EXD3: variants seen among roughly 807,000 people sequenced by gnomAD.
The protein encoded by EXD3 is exonuclease mut-7 homolog.
In EXD3, 92 loss-of-function variants were observed where a neutral mutation model predicts 98.0. The ratio of observed to expected loss-of-function variants is 0.94; its 90% confidence interval spans 0.79 to 1.12. The LOEUF is 1.12. Ranked by LOEUF, EXD3 falls within the 50% of genes most tolerant of loss-of-function variation. The pLI is 0.00. For synonymous variants in EXD3, 569 were observed against 526.0 expected, an observed-to-expected ratio of 1.08 and a Z score of -1.12; for missense variants, 1,222 against 1,191.6, an observed-to-expected ratio of 1.03 and a Z score of -0.38.
chr9:137,376,207 G>A (rs1835890211), intron 3 of EXD3, among the ~76,000 whole-genome samples: 1 of 151,890 alleles, frequency 6.6e-6, no homozygotes, highest in Non-Finnish European at 1.5e-5. Context: ...AGCCGGGCAT[G>A]GTGGCGGGCG....
rs545067003 is a variant in EXD3 at position 137,407,719 on chromosome 9, G to C, written c.-47-12315C>G. Among the ~76,000 whole-genome samples, 1 of 152,336 alleles carries C rather than the reference G, an allele frequency of 6.6e-6. No homozygotes were observed. Among genetic ancestry groups the C allele is most frequent in the Non-Finnish European group, 1.5e-5 (1 of 68,026 alleles). ...CAGCGGCTCCTGGCCTGGTTCTGAA[G>C]ACGGCCCAGCTGGAGTGGGAGAAGT... On this transcript the variant is annotated intron_variant, in intron 1 of 21. Transcript: ENST00000340951. This position sits in a 1 kb window ranked among gnomAD's most constrained non-coding sequence, Gnocchi z 4.4.
chr9:137,353,969 C>G, intron 10 of EXD3: 3 of 1,081,148 alleles, frequency 2.8e-6, no homozygotes, highest in Non-Finnish European at 3.4e-6. Flanking sequence ...GCGCTGGCAC[C>G]GGGCTGGGGG....
chr9:137,330,012 A>AG lies in EXD3; in HGVS notation c.1999-5870_1999-5869insC, dbSNP rs1345010695. On this transcript the variant is annotated intron_variant, in intron 17 of 21. Coordinates refer to ENST00000340951, the MANE Select transcript of EXD3 (RefSeq NM_017820.5). Reference sequence around the variant, plus strand: ...CAGGACTACACAGGAGCTACACAGGACTACACAGGACTACACAGGACTACA... The same window carrying AG: ...CAGGACTACACAGGAGCTACACAGGAGCTACACAGGACTACACAGGACTACA... Among the ~76,000 whole-genome samples the AG allele has an allele frequency of 3.0e-4, 25 of 82,398 alleles. 3 individuals are homozygous for AG. The highest frequency in any genetic ancestry group is 1.0e-3 in the African/African-American group (20 of 19,472). The allele number at this position is 82,398 out of a possible 152,430, so 54.1% of individuals were successfully genotyped here. A position where few individuals can be genotyped will look rare whatever the true frequency, so the allele number is the denominator to read the frequency against.
At chr9:137,355,839 T>C (rs955314577) in intron 8 of EXD3, among the ~76,000 whole-genome samples, 1 of 152,106 alleles carries the variant, frequency 6.6e-6, no homozygotes, top group Non-Finnish European at 1.5e-5. Context: ...TCAGTGCATC[T>C]TCCCGGCCCT....
intron 1 of EXD3, among the ~76,000 whole-genome samples, chr9:137,414,581 C>T (rs561913540): frequency 1.3e-5 from 2 of 152,300 alleles, no homozygotes; most frequent in South Asian, 2.1e-4. Context: ...CGATAACACA[C>T]GAGGGTTCTG....
chr9:137,337,902 C>G (rs1160288212), intron 17 of EXD3, among the ~76,000 whole-genome samples: 2 of 151,992 alleles, frequency 1.3e-5, no homozygotes, highest in Non-Finnish European at 1.5e-5. Context: ...ATTCTCCTGC[C>G]TCAGCCTCCC....
At chr9:137,412,145 G>A (rs1181455426) in intron 1 of EXD3, among the ~76,000 whole-genome samples, 1 of 152,246 alleles carries the variant, frequency 6.6e-6, no homozygotes, top group East Asian at 1.9e-4. Flanking sequence ...AGGACAGGGG[G>A]CTGGAGGCCG....
chr9:137,315,025 C>T (rs1831567808), intron 19 of EXD3, among the ~76,000 whole-genome samples: 1 of 152,204 alleles, frequency 6.6e-6, no homozygotes, highest in Non-Finnish European at 1.5e-5. Context: ...GGACATGTGG[C>T]CGCCCGTGTC....
intron 1 of EXD3, among the ~76,000 whole-genome samples, chr9:137,408,861 T>C (rs2131818352): frequency 6.6e-6 from 1 of 152,342 alleles, no homozygotes; most frequent in East Asian, 1.9e-4. Flanking sequence ...TCTCTCACCA[T>C]CAGGCTGGGT....
intron 2 of EXD3, among the ~76,000 whole-genome samples, chr9:137,387,042 C>T (rs1260891959): frequency 6.6e-6 from 1 of 151,578 alleles, no homozygotes; most frequent in East Asian, 1.9e-4. Flanking sequence ...CCCTGCCTGC[C>T]TCCCTCAGCA....
intron 9 of EXD3, 106 bp downstream of exon 9, chr9:137,354,594 A>G: frequency 1.3e-6 from 2 of 1,559,570 alleles, no homozygotes; most frequent in East Asian, 2.4e-5. Context: ...AGCAGCTCCT[A>G]CTTGATATGT....
intron 5 of EXD3, among the ~76,000 whole-genome samples, chr9:137,372,261 G>A (rs1835659598): frequency 6.6e-6 from 1 of 152,234 alleles, no homozygotes; most frequent in Non-Finnish European, 1.5e-5. Context: ...CTGGGCGACT[G>A]TGCCGAGGTG....
intron 17 of EXD3, chr9:137,345,674 A>G (rs1428447113): frequency 2.6e-5 from 4 of 151,528 alleles, no homozygotes; most frequent in Non-Finnish European, 5.9e-5. Context: ...AAAAAAAAAA[A>G]AGGAAAGAAA....
Position 137,366,602 on chromosome 9 carries a change from C to T in EXD3, c.547G>A (p.Val183Met), listed in dbSNP as rs1288769405. Residue 183 changes from valine (V) to methionine (M), a missense_variant, in exon 7 of 22, where the codon GTG becomes ATG. Physicochemically the swap from Val to Met is conservative, Grantham distance 21. Coordinates refer to ENST00000340951, the MANE Select transcript of EXD3 (RefSeq NM_017820.5). ...MSIPLLLQDK[V>M]ALVERYVAGF... ...GCCACATAGCGCTCCACGAGGGCCA[C>T]CTTGTCCTGGAGGAGCAGTGGGATG... 2.6e-6 allele frequency: 4 copies of T among 1,557,282 alleles called. No homozygotes were observed. The Admixed American group carries it at 7.7e-5, about 30-fold the overall frequency.
rs1837066726 is a variant in EXD3, at chr9:137,393,814, C to T, written c.55+1489G>A. Among the ~76,000 whole-genome samples the T allele has an allele frequency of 6.6e-6, 1 of 152,136 alleles. No homozygotes were observed. The highest frequency in any genetic ancestry group is 6.5e-5 in the Admixed American group (1 of 15,282). ...GTGGAACTGGGCAAAGGCCAGGGGGCGGTGAGTGAAAAGGCAGTAAACCCA... is the reference window on the plus strand; with the variant it reads ...GTGGAACTGGGCAAAGGCCAGGGGGTGGTGAGTGAAAAGGCAGTAAACCCA... On this transcript the variant is annotated intron_variant, in intron 2 of 21. Transcript: ENST00000340951. This position sits in a 1 kb window ranked among gnomAD's most constrained non-coding sequence, Gnocchi z 4.6.
chr9:137,412,840 C>A (rs147850142), intron 1 of EXD3, among the ~76,000 whole-genome samples: 46 of 151,226 alleles, frequency 3.0e-4, no homozygotes, highest in Middle Eastern at 3.4e-3. Context: ...TGCGGTGGGG[C>A]GATCACGGCT....
At chr9:137,353,231 A>G (rs1423329669) in intron 10 of EXD3, 10 of 961,548 alleles carry the variant, frequency 1.0e-5, no homozygotes, top group Non-Finnish European at 1.1e-5. Flanking sequence ...TGACCTTTCC[A>G]GCCTCCAAGC....
intron 2 of EXD3, among the ~76,000 whole-genome samples, chr9:137,388,243 C>G (rs1836709021): frequency 6.6e-6 from 1 of 152,142 alleles, no homozygotes; most frequent in Admixed American, 6.5e-5. Flanking sequence ...CCTGGGAGGG[C>G]TCAGGAACTC....
chr9:137,406,252 AG>A (rs1186968372), intron 1 of EXD3, among the ~76,000 whole-genome samples: 3 of 151,654 alleles, frequency 2.0e-5, no homozygotes, highest in African/African-American at 7.3e-5. Flanking sequence ...AGAAAAGAAA[AG>A]GAAAGGAAAA....
Sources: gnomAD v4.1 joint callset for allele counts (sites outside exome capture counted in the v4.1 genomes callset) on GRCh38, gnomAD v4.1.1 for gene constraint, Gnocchi (gnomAD v3.1) non-coding constraint, MANE v1.5 for transcripts, NCBI Gene and HGNC (gene_info 2026-07-23, HGNC 2026-07-21) for gene names.